Variants in SH3RF3 observed in about 807,000 individuals in gnomAD.
SH3RF3 encodes E3 ubiquitin-protein ligase SH3RF3.
A neutral mutation model predicts 66.3 loss-of-function variants in SH3RF3; 29 were observed. That is an observed-to-expected ratio of 0.44 (90% CI 0.33 to 0.60). SH3RF3 has a LOEUF of 0.60. Ranked by LOEUF, SH3RF3 falls within the 20% of genes least tolerant of loss-of-function variation. SH3RF3 has a pLI of 0.04. For synonymous variants in SH3RF3, 583 were observed against 532.0 expected, an observed-to-expected ratio of 1.10 and a Z score of -1.32; for missense variants, 1,194 against 1,190.9, an observed-to-expected ratio of 1.00 and a Z score of -0.04.
chr2:109,270,949 G>T (rs1680610549), intron 1 of SH3RF3, among the ~76,000 whole-genome samples: 1 of 152,168 alleles, frequency 6.6e-6, no homozygotes, highest in Admixed American at 6.5e-5. Flanking sequence ...TGGCTAAGTG[G>T]GTTCTGCTTC....
intron 1 of SH3RF3, among the ~76,000 whole-genome samples, chr2:109,288,869 G>A (rs374455951): frequency 5.9e-5 from 9 of 152,272 alleles, no homozygotes; most frequent in African/African-American, 2.2e-4. Context: ...AAACAGATGG[G>A]TGTTCCGTAA....
chr2:109,254,627 A>G (rs924720376), intron 1 of SH3RF3, among the ~76,000 whole-genome samples: 8 of 152,170 alleles, frequency 5.3e-5, no homozygotes, highest in African/African-American at 1.4e-4. Flanking sequence ...AGGTTGGTCA[A>G]ATAGTTTCTT....
chr2:109,488,677 G>T (rs1679045908), intron 8 of SH3RF3, among the ~76,000 whole-genome samples: 1 of 152,104 alleles, frequency 6.6e-6, no homozygotes, highest in African/African-American at 2.4e-5. Flanking sequence ...CCCTCAAGTT[G>T]TGCCGCCAAC....
chr2:109,320,330 G>A (rs1314300696), intron 1 of SH3RF3, among the ~76,000 whole-genome samples: 1 of 152,168 alleles, frequency 6.6e-6, no homozygotes. Context: ...TAGAGAGGGA[G>A]GTACAGGCCC....
intron 8 of SH3RF3, among the ~76,000 whole-genome samples, chr2:109,465,121 G>A (rs371090908): frequency 6.6e-6 from 1 of 152,102 alleles, no homozygotes; most frequent in Non-Finnish European, 1.5e-5. Context: ...GTGCATTTAC[G>A]TTTCCTCCAT....
At chr2:109,296,088 C>T (rs1011122970) in intron 1 of SH3RF3, among the ~76,000 whole-genome samples, 2 of 152,084 alleles carry the variant, frequency 1.3e-5, no homozygotes, top group African/African-American at 2.4e-5. Context: ...CAGGTTGGCC[C>T]CCCAGAAGGC....
intron 2 of SH3RF3, among the ~76,000 whole-genome samples, chr2:109,349,475 C>T (rs545444458): frequency 2.9e-4 from 44 of 152,276 alleles, no homozygotes; most frequent in Admixed American, 5.2e-4. Context: ...CACAGAAACC[C>T]AACTTGCTTC....
At chr2:109,360,025 T>A (rs140264863) in intron 2 of SH3RF3, among the ~76,000 whole-genome samples, 11 of 151,162 alleles carry the variant, frequency 7.3e-5, no homozygotes, top group Non-Finnish European at 1.5e-4. Context: ...GAGGACCCAC[T>A]TACTGGTCCC....
At chr2:109,156,416 G>T (rs772800611) in intron 1 of SH3RF3, among the ~76,000 whole-genome samples, 2 of 152,156 alleles carry the variant, frequency 1.3e-5, no homozygotes, top group Non-Finnish European at 2.9e-5. Context: ...GAGTGATTCA[G>T]GGGAGAGGAT....
At chr2:109,381,298 C>T (rs1011811596) in intron 3 of SH3RF3, among the ~76,000 whole-genome samples, 3 of 152,246 alleles carry the variant, frequency 2.0e-5, no homozygotes, top group African/African-American at 7.2e-5. Flanking sequence ...TGCTTCTCCC[C>T]TAGGCTCCAG....
At chr2:109,458,130 A>G (rs1209429436) in intron 8 of SH3RF3, among the ~76,000 whole-genome samples, 1 of 152,186 alleles carries the variant, frequency 6.6e-6, no homozygotes, top group Non-Finnish European at 1.5e-5. Flanking sequence ...CTCTAGGGGA[A>G]GTCACTCCTG....
At chr2:109,189,822 G>A (rs536245561) in intron 1 of SH3RF3, among the ~76,000 whole-genome samples, 213 of 152,298 alleles carry the variant, frequency 1.4e-3, no homozygotes, top group African/African-American at 4.6e-3. Context: ...ACTGGTCAGA[G>A]TTCTCAAGCC....
intron 4 of SH3RF3, among the ~76,000 whole-genome samples, chr2:109,416,361 G>A (rs1358646828): frequency 6.6e-6 from 1 of 151,932 alleles, no homozygotes; most frequent in East Asian, 2.0e-4. Flanking sequence ...TTGGGAGGCT[G>A]AGGAGGGCAG....
rs1680057700 is a variant in SH3RF3, at chr2:109,250,370, T to A, written c.574-97304T>A. On this transcript the variant is annotated intron_variant, in intron 1 of 9. Transcript: ENST00000309415. ...CAGTCTCCATCAGCTCTGAATTCAC[T>A]TCTGAGCTTAGCAATGTAAGCTTGT... 3.9e-5 allele frequency among the ~76,000 whole-genome samples: 6 copies of A among 152,266 alleles called. No homozygotes were observed. In the South Asian group the frequency reaches 6.2e-4, roughly 16 times the overall value.
At position 109,451,129 on chromosome 2, in the gene SH3RF3, C is replaced by T. The variant is rs537620063; in HGVS notation, c.2148+1640C>T. 2.0e-4 allele frequency among the ~76,000 whole-genome samples: 31 copies of T among 152,346 alleles called. No homozygotes were observed. In the South Asian group the frequency reaches 2.9e-3, roughly 14 times the overall value. On this transcript the variant is annotated intron_variant, in intron 8 of 9. Transcript: ENST00000309415. ...TTCAGTCCAGAGCAATGGTTGTTCC[C>T]GTGCTGACTGGTGTGGCAGAGCCAA...
chr2:109,195,548 A>T (rs935458946), intron 1 of SH3RF3, among the ~76,000 whole-genome samples: 14 of 152,190 alleles, frequency 9.2e-5, no homozygotes, highest in African/African-American at 3.1e-4. Context: ...TAAGTTTCCC[A>T]TTTGCACCTA....
At chr2:109,305,624 G>T (rs538823936) in intron 1 of SH3RF3, among the ~76,000 whole-genome samples, 24 of 152,304 alleles carry the variant, frequency 1.6e-4, no homozygotes, top group African/African-American at 5.5e-4. Context: ...GGTCTGGCAG[G>T]TCCTCTTGAC....
chr2:109,503,266 G>C lies in SH3RF3; in HGVS notation c.*1595G>C, dbSNP rs1679442929. The C allele has an allele frequency of 6.6e-6, 1 of 152,132 alleles. No individual in the cohort carries two copies. Among genetic ancestry groups the C allele is most frequent in the Non-Finnish European group, 1.5e-5 (1 of 68,022 alleles). The allele number at this position is 152,132 out of a possible 1,614,324, so 9.4% of individuals were successfully genotyped here. On this transcript the variant is annotated 3_prime_UTR_variant, in exon 10 of 10. Transcript: ENST00000309415. ...AATTAAGCTGAAGAAACTAGCCTTT[G>C]GTAACATAGGGTGTCATTGGTTTTC...
At chr2:109,323,855 T>G (rs934657505) in intron 1 of SH3RF3, among the ~76,000 whole-genome samples, 1 of 152,266 alleles carries the variant, frequency 6.6e-6, no homozygotes, top group Non-Finnish European at 1.5e-5. Context: ...TTTATCTTTT[T>G]AAAAGTAATT....
Sources: gnomAD v4.1 joint callset for allele counts (sites outside exome capture counted in the v4.1 genomes callset) on GRCh38, gnomAD v4.1.1 for gene constraint, MANE v1.5 for transcripts, NCBI Gene and HGNC (gene_info 2026-07-23, HGNC 2026-07-21) for gene names.